Variants in CCDC91 observed in about 807,000 individuals in gnomAD.
The protein encoded by CCDC91 is coiled-coil domain containing 91.
A neutral mutation model predicts 63.2 loss-of-function variants in CCDC91; 48 were observed. The observed-to-expected ratio is 0.76, with a 90% confidence interval of 0.60 to 0.97. The LOEUF (loss-of-function observed/expected upper bound fraction) is 0.97, where lower values mean the gene tolerates loss of function less well. Ranked by LOEUF, CCDC91 falls within the 50% of genes least tolerant of loss-of-function variation. The probability of loss-of-function intolerance (pLI) is 0.00; values close to 1 mark genes in which losing one functional copy is unlikely to be tolerated. For missense variants in CCDC91, 500 were observed against 494.6 expected (o/e 1.01, Z -0.10); for synonymous variants, 167 against 165.8 (o/e 1.01, Z -0.06).
Position 28,285,902 on chromosome 12 carries a change from G to A in CCDC91, c.110-19747G>A, listed in dbSNP as rs186043067. Among the ~76,000 whole-genome samples the A allele has an allele frequency of 4.9e-4, 74 of 151,814 alleles. No homozygotes were observed. In the East Asian group the frequency reaches 8.2e-3, roughly 17 times the overall value. On this transcript the variant is annotated intron_variant, in intron 3 of 12. Transcript: ENST00000536442. The stretch of plus-strand genomic sequence containing the variant: ...ATAATTTTACTTCGTAAAGCAATTC[G>A]CAAATCATTATAATTATTTATCATA...
chr12:28,521,318 T>C (rs1405043598), intron 12 of CCDC91, among the ~76,000 whole-genome samples: 3 of 152,146 alleles, frequency 2.0e-5, no homozygotes, highest in Non-Finnish European at 4.4e-5. Context: ...CTAGGTATTT[T>C]ATTCTCTTTG....
intron 8 of CCDC91, among the ~76,000 whole-genome samples, chr12:28,443,067 T>A (rs889450769): frequency 3.3e-4 from 50 of 152,110 alleles, no homozygotes; most frequent in African/African-American, 1.2e-3. Flanking sequence ...CCTGTATCTG[T>A]TAAAGTTGGA....
At chr12:28,367,842 T>A (rs1189780271) in intron 7 of CCDC91, among the ~76,000 whole-genome samples, 3 of 152,156 alleles carry the variant, frequency 2.0e-5, no homozygotes, top group Non-Finnish European at 4.4e-5. Flanking sequence ...TATGGCAAAT[T>A]TCCCTCCATA....
chr12:28,283,278 T>C (rs1948715669), intron 3 of CCDC91, among the ~76,000 whole-genome samples: 1 of 151,956 alleles, frequency 6.6e-6, no homozygotes, highest in African/African-American at 2.4e-5. Flanking sequence ...GGAATTGCAT[T>C]ATATCTGTAG....
chr12:28,392,704 A>G (rs1946026835), intron 8 of CCDC91, among the ~76,000 whole-genome samples: 1 of 152,196 alleles, frequency 6.6e-6, no homozygotes, highest in African/African-American at 2.4e-5. Context: ...CTCACAGGCA[A>G]ATTAACCTAT....
intron 6 of CCDC91, among the ~76,000 whole-genome samples, chr12:28,331,692 T>C (rs1020611610): frequency 1.3e-5 from 2 of 152,164 alleles, no homozygotes; most frequent in Non-Finnish European, 2.9e-5. Flanking sequence ...AGTAAGCATA[T>C]AGTAAGCATG....
chr12:28,483,487 A>G (rs1267443092), intron 11 of CCDC91, among the ~76,000 whole-genome samples: 1 of 152,000 alleles, frequency 6.6e-6, no homozygotes, highest in Admixed American at 6.6e-5. Flanking sequence ...CAATAAACGG[A>G]GAGTACCATT....
chr12:28,223,648 A>C (rs1944091792), intron 1 of CCDC91, among the ~76,000 whole-genome samples: 1 of 152,188 alleles, frequency 6.6e-6, no homozygotes, highest in Non-Finnish European at 1.5e-5. Flanking sequence ...ATTATTATGT[A>C]ATTTGATAAA....
At chr12:28,211,762 C>CTT (rs551753735) in intron 1 of CCDC91, among the ~76,000 whole-genome samples, 1 of 145,038 alleles carries the variant, frequency 6.9e-6, no homozygotes. Flanking sequence ...TTAGCCAGTT[C>CTT]TTTTTTTTTT....
intron 7 of CCDC91, among the ~76,000 whole-genome samples, chr12:28,366,344 A>G (rs1944271319): frequency 6.6e-6 from 1 of 152,142 alleles, no homozygotes; most frequent in Non-Finnish European, 1.5e-5. Flanking sequence ...AGAAATAGCA[A>G]TGGGCGTATA....
chr12:28,328,676 T>C (rs1446319780), intron 6 of CCDC91, among the ~76,000 whole-genome samples: 1 of 152,208 alleles, frequency 6.6e-6, no homozygotes, highest in Non-Finnish European at 1.5e-5. Context: ...CTTTCCTCTG[T>C]CCATAATGAT....
chr12:28,323,914 A>G (rs2126894), intron 6 of CCDC91, among the ~76,000 whole-genome samples: 63,206 of 151,696 alleles, frequency 0.42, 13,464 homozygotes, highest in Middle Eastern at 0.49. Flanking sequence ...ATGTGAGGGG[A>G]AGGCATTTTT....
intron 8 of CCDC91, chr12:28,412,910 A>AT: frequency 2.6e-6 from 1 of 386,602 alleles, no homozygotes; most frequent in Non-Finnish European, 5.2e-6. Flanking sequence ...AGCTGGCCTC[A>AT]CCTCTCAATT....
At chr12:28,368,958 C>G (rs1944441279) in intron 7 of CCDC91, among the ~76,000 whole-genome samples, 1 of 152,098 alleles carries the variant, frequency 6.6e-6, no homozygotes, top group Non-Finnish European at 1.5e-5. Flanking sequence ...TCACCTCCCA[C>G]CAAGGCCCTC....
At chr12:28,536,028 CA>C (rs35608455) in intron 12 of CCDC91, among the ~76,000 whole-genome samples, 1,196 of 117,220 alleles carry the variant, frequency 0.01, 5 homozygotes, top group African/African-American at 0.017. Flanking sequence ...GACTCCATCT[CA>C]AAAAAAAAAA....
intron 1 of CCDC91, chr12:28,236,724 C>T (rs1944973828): frequency 6.6e-6 from 1 of 151,784 alleles, no homozygotes; most frequent in African/African-American, 2.4e-5. Context: ...ATGTGAAAAT[C>T]GGGTTTATGG....
chr12:28,302,646 C>T, intron 3 of CCDC91: 2 of 984,670 alleles, frequency 2.0e-6, no homozygotes, highest in Non-Finnish European at 2.4e-6. Flanking sequence ...TATGGTGTGA[C>T]TGGAGTGAAG....
chr12:28,362,659 C>CATACT (rs1226745157), intron 7 of CCDC91, 144 bp downstream of exon 7: 1 of 498,936 alleles, frequency 2.0e-6, no homozygotes, highest in Non-Finnish European at 3.5e-6. Context: ...CAACAAATAT[C>CATACT]CATTGAAAGC....
chr12:28,320,429 C>A (rs576169150), intron 6 of CCDC91, among the ~76,000 whole-genome samples: 66 of 151,708 alleles, frequency 4.4e-4, no homozygotes, highest in African/African-American at 1.6e-3. Context: ...AATAGGAAAA[C>A]ATGGACTTAC....
Sources: gnomAD v4.1 joint callset for allele counts (sites outside exome capture counted in the v4.1 genomes callset) on GRCh38, gnomAD v4.1.1 for gene constraint, MANE v1.5 for transcripts, NCBI Gene and HGNC (gene_info 2026-07-23, HGNC 2026-07-21) for gene names.